The following TNIP3 variants were observed in gnomAD, a reference collection of about 807,000 sequenced individuals.
TNIP3 encodes the protein TNFAIP3 interacting protein 3.
In TNIP3, 34 loss-of-function variants were observed where a neutral mutation model predicts 54.1. That is an observed-to-expected ratio of 0.63 (90% CI 0.48 to 0.84). TNIP3 has a LOEUF of 0.84. Ranked by LOEUF, TNIP3 falls within the 40% of genes least tolerant of loss-of-function variation. The pLI is 0.00. For missense variants in TNIP3, 366 were observed against 387.6 expected (o/e 0.94, Z 0.47); for synonymous variants, 134 against 136.8 (o/e 0.98, Z 0.14).
rs910393574 is a variant in TNIP3, at chr4:121,216,493, C to G, written c.-11G>C. On this transcript the variant is annotated 5_prime_UTR_variant, in exon 2 of 13. Transcript: ENST00000507879. ...CTCATTTTTGTTCATGAGCCATCCACATGGAATCTAAAATAAAAAAATATG... is the reference window on the plus strand; with the variant it reads ...CTCATTTTTGTTCATGAGCCATCCAGATGGAATCTAAAATAAAAAAATATG... The G allele has an allele frequency of 5.2e-6, 8 of 1,535,666 alleles. No homozygotes were observed. The South Asian group carries it at 8.3e-5, about 16-fold the overall frequency.
rs145684857 is a variant in TNIP3, at chr4:121,148,589, G to A, written c.610-1415C>T. Among the ~76,000 whole-genome samples the A allele has an allele frequency of 1.7e-3, 263 of 152,264 alleles. 2 individuals carry two copies. The highest frequency in any genetic ancestry group is 6.0e-3 in the African/African-American group (250 of 41,554). On this transcript the variant is annotated intron_variant, in intron 6 of 10. Coordinates refer to ENST00000057513, the MANE Select transcript of TNIP3 (RefSeq NM_024873.6). Reference sequence around the variant, plus strand: ...GAGTTTGACAGAGCTTTAAGACTGTGCATATTACCCTTATTCTCTTCGTCG... The same window carrying A: ...GAGTTTGACAGAGCTTTAAGACTGTACATATTACCCTTATTCTCTTCGTCG...
At chr4:121,198,677 G>C (rs969707763) in intron 2 of TNIP3, among the ~76,000 whole-genome samples, 1 of 152,116 alleles carries the variant, frequency 6.6e-6, no homozygotes, top group Non-Finnish European at 1.5e-5. Context: ...TAATAAACAT[G>C]GCTTGAAAGA....
chr4:121,206,220 TCTTA>T (rs1726181284), intron 2 of TNIP3, among the ~76,000 whole-genome samples: 1 of 152,130 alleles, frequency 6.6e-6, no homozygotes, highest in South Asian at 2.1e-4. Flanking sequence ...CTTAGGAGAT[TCTTA>T]CTTGGGATGT....
chr4:121,226,291 A>G (rs1727253879), intron 1 of TNIP3, among the ~76,000 whole-genome samples: 2 of 152,184 alleles, frequency 1.3e-5, no homozygotes, highest in Admixed American at 1.3e-4. Flanking sequence ...CAGAGTGAAA[A>G]GGAAAAGAGA....
At chr4:121,177,258 T>C (rs1724413310) in intron 3 of TNIP3, among the ~76,000 whole-genome samples, 1 of 152,230 alleles carries the variant, frequency 6.6e-6, no homozygotes, top group Non-Finnish European at 1.5e-5. Context: ...CATTTTGGAA[T>C]CTTAATATCA....
At chr4:121,164,698 CATA>C (rs879433916), upstream of TNIP3, among the ~76,000 whole-genome samples, 9 of 152,116 alleles carry the variant, frequency 5.9e-5, no homozygotes, top group Admixed American at 3.3e-4. Flanking sequence ...ATTCATAATA[CATA>C]ATAATATAAG....
At chr4:121,176,672 C>T (rs1190120562) in intron 3 of TNIP3, among the ~76,000 whole-genome samples, 1 of 150,488 alleles carries the variant, frequency 6.6e-6, no homozygotes, top group African/African-American at 2.5e-5. Context: ...AAAAAAACAG[C>T]TTTCAAAAAA....
At position 121,157,236 on chromosome 4, in the gene TNIP3, T is replaced by C. The variant is rs1211989955; in HGVS notation, c.221A>G (p.Glu74Gly). Residue 74 changes from glutamate to glycine, a missense_variant, in exon 4 of 11, where the codon GAG becomes GGG. Glu to Gly is a moderately conservative substitution (Grantham distance 98, BLOSUM62 -2). Transcript: ENST00000057513. ...CGCGGCGTCCAGTTTCGTCTTCAGC[T>C]CTGCTACCTGAGGAGGTCGTTCAAA... ...MKELYERKVA[E>G]LKTKLDAAER... is the part of the protein sequence containing the mutation. 3.1e-6 allele frequency: 5 copies of C among 1,614,106 alleles called. No homozygotes were observed. The highest frequency in any genetic ancestry group is 4.2e-6 in the Non-Finnish European group (5 of 1,180,024).
rs530555958 is a variant in TNIP3 at position 121,135,093 on chromosome 4, C to A, written c.947-2431G>T. Among the ~76,000 whole-genome samples, 8 of 152,318 alleles carry A rather than the reference C, an allele frequency of 5.3e-5. No homozygotes were observed. In the East Asian group the frequency reaches 5.8e-4, roughly 11 times the overall value. ...GGGAGAGAAGGTCGAGGGTCCCAGG[C>A]AGGAGGCCAGGGCTTAGGTCTCCCT... On this transcript the variant is annotated intron_variant, in intron 10 of 10. Coordinates refer to ENST00000057513, the MANE Select transcript of TNIP3 (RefSeq NM_024873.6).
chr4:121,169,350 G>C (rs541147062), intron 3 of TNIP3, among the ~76,000 whole-genome samples: 1 of 152,154 alleles, frequency 6.6e-6, no homozygotes, highest in Non-Finnish European at 1.5e-5. Flanking sequence ...GTCAGGTAAT[G>C]GTGTAAGTGA....
chr4:121,140,999 G>T (rs973764829), intron 9 of TNIP3, among the ~76,000 whole-genome samples: 18 of 152,174 alleles, frequency 1.2e-4, no homozygotes, highest in Non-Finnish European at 2.5e-4. Context: ...AGAGAATCAT[G>T]TTCTCTGTAA....
In TNIP3 at chr4:121,157,385, C is replaced by G. The variant is rs150667512; in HGVS notation, c.214-142G>C. ...GGAGAGGTTCTAGCTCCCACCGTCC[C>G]GAACACAGATCGGGATACTCGCGTT... On this transcript the variant is annotated intron_variant, in intron 3 of 10. Transcript: ENST00000057513. The G allele has an allele frequency of 1.1e-3, 1,170 of 1,024,276 alleles. 4 individuals are homozygous for G. Among genetic ancestry groups the G allele is most frequent in the Admixed American group, 4.6e-3 (211 of 46,110 alleles). 63.4% of individuals were successfully genotyped at this position (1,024,276 alleles called of 1,614,324 possible). A position where few individuals can be genotyped will look rare whatever the true frequency, so the allele number is the denominator to read the frequency against.
At chr4:121,158,582 T>G (rs1730251648) in intron 3 of TNIP3, 105 bp downstream of exon 3, 2 of 886,904 alleles carry the variant, frequency 2.3e-6, no homozygotes, top group South Asian at 3.0e-5. Flanking sequence ...AACAGTTGGC[T>G]ATCCACAAAG....
At chr4:121,153,832 A>G (rs1197434736) in intron 5 of TNIP3, among the ~76,000 whole-genome samples, 4 of 152,186 alleles carry the variant, frequency 2.6e-5, no homozygotes, top group African/African-American at 9.7e-5. Flanking sequence ...TGCTTTTATC[A>G]TGAAATATCT....
intron 2 of TNIP3, among the ~76,000 whole-genome samples, chr4:121,185,630 C>G (rs1476538137): frequency 6.6e-6 from 1 of 152,086 alleles, no homozygotes; most frequent in African/African-American, 2.4e-5. Flanking sequence ...CTCAAAATAC[C>G]TAATTATTAA....
At chr4:121,210,722 T>C (rs2086277036) in intron 2 of TNIP3, among the ~76,000 whole-genome samples, 1 of 152,110 alleles carries the variant, frequency 6.6e-6, no homozygotes, top group Admixed American at 6.5e-5. Flanking sequence ...GACAGCAAGC[T>C]CTCTGGTGTC....
At chr4:121,181,547 G>A (rs1390519245) in intron 3 of TNIP3, among the ~76,000 whole-genome samples, 1 of 152,094 alleles carries the variant, frequency 6.6e-6, no homozygotes, top group African/African-American at 2.4e-5. Flanking sequence ...ACACAACACT[G>A]TTCATGACAT....
chr4:121,197,504 C>A (rs561008525), intron 2 of TNIP3, among the ~76,000 whole-genome samples: 4 of 148,700 alleles, frequency 2.7e-5, no homozygotes, highest in Non-Finnish European at 5.9e-5. Flanking sequence ...TGCACTCCAG[C>A]CTGGGTGACA....
At chr4:121,197,531 CAA>C (rs531127977) in intron 2 of TNIP3, among the ~76,000 whole-genome samples, 14 of 64,256 alleles carry the variant, frequency 2.2e-4, no homozygotes, top group Admixed American at 3.4e-4. Flanking sequence ...GACTCTGTCT[CAA>C]AAAAAAAAAA....
Sources: allele counts gnomAD v4.1 joint callset (sites outside exome capture counted in the v4.1 genomes callset), GRCh38; gene constraint gnomAD v4.1.1; transcripts MANE v1.5; gene names NCBI Gene and HGNC (gene_info 2026-07-23, HGNC 2026-07-21).